The following ENTREP2 variants were observed in gnomAD, a reference collection of about 807,000 sequenced individuals.
ENTREP2 encodes the protein protein ENTREP2.
the ENTREP2 span, among the ~76,000 whole-genome samples, chr15:29,262,095 A>G: frequency 5.5e-3 from 787 of 143,846 alleles, 3 homozygotes; most frequent in African/African-American, 0.012. Context: ...AAAAAAAAAA[A>G]GGGCGAAGGC....
the ENTREP2 span, among the ~76,000 whole-genome samples, chr15:29,245,743 T>C: frequency 5.3e-5 from 8 of 152,160 alleles, no homozygotes; most frequent in Admixed American, 5.2e-4. Context: ...GATGCTCAAC[T>C]TCACTTTTAA....
chr15:29,417,813 T>C, the ENTREP2 span, among the ~76,000 whole-genome samples: 1 of 152,180 alleles, frequency 6.6e-6, no homozygotes, highest in South Asian at 2.1e-4. Context: ...CTGAAAAGTA[T>C]AGTTATGAAC....
At chr15:29,279,068 A>T in the ENTREP2 span, among the ~76,000 whole-genome samples, 1 of 152,206 alleles carries the variant, frequency 6.6e-6, no homozygotes, top group Non-Finnish European at 1.5e-5. Flanking sequence ...CTGTTGGACC[A>T]GAGCCCCACT....
At chr15:29,481,299 TG>T in the ENTREP2 span, among the ~76,000 whole-genome samples, 1 of 152,116 alleles carries the variant, frequency 6.6e-6, no homozygotes, top group Non-Finnish European at 1.5e-5. Context: ...ACAAAATATC[TG>T]GGGGTGGGGC....
chr15:29,218,424 C>T, the ENTREP2 span, among the ~76,000 whole-genome samples: 212 of 152,234 alleles, frequency 1.4e-3, 2 homozygotes, highest in African/African-American at 5.0e-3. Flanking sequence ...CAATCCCCAT[C>T]AAAATACCAC....
the ENTREP2 span, among the ~76,000 whole-genome samples, chr15:29,433,118 C>T: frequency 9.9e-5 from 15 of 152,170 alleles, no homozygotes; most frequent in Non-Finnish European, 4.4e-5. Flanking sequence ...CTGGGCCAGC[C>T]CCCGACGGTC....
the ENTREP2 span, among the ~76,000 whole-genome samples, chr15:29,254,693 C>T: frequency 6.6e-6 from 1 of 152,098 alleles, no homozygotes; most frequent in Non-Finnish European, 1.5e-5. Context: ...CCCATCTCTA[C>T]TAAAAATATA....
the ENTREP2 span, among the ~76,000 whole-genome samples, chr15:29,656,833 A>G: frequency 1.3e-5 from 2 of 152,208 alleles, no homozygotes; most frequent in East Asian, 1.9e-4. Flanking sequence ...ATGACCCTCT[A>G]ATCTCACTGC....
chr15:29,402,275 T>C, the ENTREP2 span, among the ~76,000 whole-genome samples: 13,072 of 141,272 alleles, frequency 0.093, 880 homozygotes, highest in East Asian at 0.29. Context: ...TACACACACA[T>C]ATATATGTAT....
chr15:29,672,800 T>C, the ENTREP2 span, among the ~76,000 whole-genome samples: 1 of 151,826 alleles, frequency 6.6e-6, no homozygotes, highest in Non-Finnish European at 1.5e-5. Context: ...TGCTGATTGG[T>C]TGGGTAGAAG....
the ENTREP2 span, among the ~76,000 whole-genome samples, chr15:29,658,739 G>A: frequency 6.6e-6 from 1 of 152,130 alleles, no homozygotes; most frequent in East Asian, 1.9e-4. Flanking sequence ...ATCCTTTCAG[G>A]TCAACCTTTC....
At chr15:29,269,228 G>A in the ENTREP2 span, 4 of 1,613,984 alleles carry the variant, frequency 2.5e-6, no homozygotes, top group African/African-American at 4.0e-5. Flanking sequence ...TCCTCCACAG[G>A]CTCCAGGGTG....
At chr15:29,170,158 A>T in the ENTREP2 span, among the ~76,000 whole-genome samples, 1 of 151,876 alleles carries the variant, frequency 6.6e-6, no homozygotes, top group African/African-American at 2.4e-5. Context: ...AATAAAAAAA[A>T]TTAGCCAGGC....
the ENTREP2 span, among the ~76,000 whole-genome samples, chr15:29,330,442 C>G: frequency 6.6e-6 from 1 of 152,050 alleles, no homozygotes; most frequent in African/African-American, 2.4e-5. Flanking sequence ...GAGCGAGACT[C>G]TGTCTCAAAA....
chr15:29,607,421 T>C, the ENTREP2 span, among the ~76,000 whole-genome samples: 5 of 152,074 alleles, frequency 3.3e-5, no homozygotes, highest in African/African-American at 1.2e-4. Context: ...CAAATGTATT[T>C]AAATCCATGG....
chr15:29,468,610 CAAA>C, the ENTREP2 span, among the ~76,000 whole-genome samples: 5 of 102,520 alleles, frequency 4.9e-5, no homozygotes, highest in Admixed American at 1.1e-4. Flanking sequence ...AACTCCATCT[CAAA>C]AAAAAAAAAA....
At chr15:29,436,979 T>C in the ENTREP2 span, among the ~76,000 whole-genome samples, 1 of 152,136 alleles carries the variant, frequency 6.6e-6, no homozygotes, top group Admixed American at 6.6e-5. Flanking sequence ...CCCAAAAAGA[T>C]CAAATGGACA....
At chr15:29,464,119 T>C in the ENTREP2 span, among the ~76,000 whole-genome samples, 10 of 152,060 alleles carry the variant, frequency 6.6e-5, no homozygotes, top group African/African-American at 1.9e-4. Context: ...TGGAGATGGA[T>C]TGCGGTGGTG....
chr15:29,159,634 A>G, the ENTREP2 span, among the ~76,000 whole-genome samples: 1 of 152,160 alleles, frequency 6.6e-6, no homozygotes, highest in Non-Finnish European at 1.5e-5. Context: ...TCCATGTCAC[A>G]ACTAGATTAG....
Sources: gnomAD v4.1 joint callset for allele counts (sites outside exome capture counted in the v4.1 genomes callset) on GRCh38, gnomAD v4.1.1 for gene constraint, MANE v1.5 for transcripts, NCBI Gene and HGNC (gene_info 2026-07-23, HGNC 2026-07-21) for gene names.